The following RBFOX1 variants were observed in gnomAD, a reference collection of about 807,000 sequenced individuals.
RBFOX1 encodes the protein RNA binding protein fox-1 homolog 1.
Under a neutral mutation model 57.7 loss-of-function variants are expected in RBFOX1, and 8 were observed. The observed-to-expected ratio is 0.14, with a 90% CI of 0.08 to 0.25. The LOEUF is 0.25. Ranked by LOEUF, RBFOX1 falls within the 10% of genes least tolerant of loss-of-function variation. The pLI is 1.00. For synonymous variants in RBFOX1, 326 were observed against 222.4 expected, an observed-to-expected ratio of 1.47 and a Z score of -4.15; for missense variants, 611 against 548.5, an observed-to-expected ratio of 1.11 and a Z score of -1.14.
intron 1 of RBFOX1, among the ~76,000 whole-genome samples, chr16:6,130,960 G>GA (rs1422346210): frequency 6.6e-6 from 1 of 152,098 alleles, no homozygotes; most frequent in East Asian, 1.9e-4. Flanking sequence ...CTCTCTGATT[G>GA]AAAAAACATT....
chr16:6,224,077 C>G (rs1231344394), intron 1 of RBFOX1, among the ~76,000 whole-genome samples: 1 of 151,968 alleles, frequency 6.6e-6, no homozygotes, highest in Non-Finnish European at 1.5e-5. Flanking sequence ...GTTTTGGTAC[C>G]AGTACCATGC....
At chr16:5,483,680 G>C (rs1162496772) in intron 2 of RBFOX1, among the ~76,000 whole-genome samples, 1 of 152,194 alleles carries the variant, frequency 6.6e-6, no homozygotes, top group Admixed American at 6.5e-5. Context: ...CTGATCTGCT[G>C]ATAAAGCAAA....
At chr16:5,531,987 A>G (rs768212632) in intron 2 of RBFOX1, among the ~76,000 whole-genome samples, 2 of 152,102 alleles carry the variant, frequency 1.3e-5, no homozygotes, top group South Asian at 4.1e-4. Context: ...TTTAGTAGAC[A>G]TGGAGTTTCA....
At chr16:7,080,325 T>G (rs545296584) in intron 4 of RBFOX1, among the ~76,000 whole-genome samples, 20 of 152,068 alleles carry the variant, frequency 1.3e-4, no homozygotes, top group Non-Finnish European at 2.2e-4. Flanking sequence ...GATTATTTCC[T>G]CCAATGCCTT....
At chr16:6,032,637 C>G (rs1000041581) in intron 1 of RBFOX1, among the ~76,000 whole-genome samples, 1 of 151,946 alleles carries the variant, frequency 6.6e-6, no homozygotes, top group East Asian at 1.9e-4. Flanking sequence ...GAAATGCCAG[C>G]AGATGTCAGT....
intron 3 of RBFOX1, among the ~76,000 whole-genome samples, chr16:6,943,672 C>T (rs959958241): frequency 1.0e-4 from 15 of 150,140 alleles, no homozygotes; most frequent in Admixed American, 9.3e-4. Flanking sequence ...TGCGTCACTG[C>T]ACTCCAGCCT....
At chr16:5,701,380 AT>A (rs1216706370) in intron 3 of RBFOX1, among the ~76,000 whole-genome samples, 1 of 152,216 alleles carries the variant, frequency 6.6e-6, no homozygotes, top group East Asian at 1.9e-4. Context: ...GGGAGAATAT[AT>A]TGTGATGCCT....
chr16:6,490,681 G>A (rs1486033089), intron 2 of RBFOX1, among the ~76,000 whole-genome samples: 4 of 152,122 alleles, frequency 2.6e-5, no homozygotes, highest in South Asian at 2.1e-4. Flanking sequence ...TGAACAGCTC[G>A]TATCTGGTCA....
intron 4 of RBFOX1, among the ~76,000 whole-genome samples, chr16:7,372,690 G>T (rs529975964): frequency 9.9e-5 from 15 of 151,918 alleles, no homozygotes; most frequent in African/African-American, 3.4e-4. Context: ...TAATAAATTA[G>T]GATTATTATT....
Position 6,885,541 on chromosome 16 carries a change from A to ATT in RBFOX1, c.-15-166509_-15-166508dup, listed in dbSNP as rs71147618. Among the ~76,000 whole-genome samples the ATT allele has an allele frequency of 2.7e-4, 41 of 151,176 alleles. No homozygotes were observed. The South Asian group carries it at 3.1e-3, about 12-fold the overall frequency. Reference sequence around the variant, plus strand: ...TGCATTTTATTTTTTTATTTTTTTTATTTTTTTTGAAATGGAGTCTTGCTC... The same window carrying ATT: ...TGCATTTTATTTTTTTATTTTTTTTATTTTTTTTTTGAAATGGAGTCTTGCTC... On this transcript the variant is annotated intron_variant, in intron 3 of 15. Transcript: ENST00000550418.
intron 4 of RBFOX1, among the ~76,000 whole-genome samples, chr16:7,159,832 G>C (rs2077922779): frequency 6.6e-6 from 1 of 152,150 alleles, no homozygotes; most frequent in Non-Finnish European, 1.5e-5. Flanking sequence ...GAATGTTGTA[G>C]TTTGCATACT....
intron 4 of RBFOX1, among the ~76,000 whole-genome samples, chr16:7,080,010 A>ATGTG (rs1567182124): frequency 7.0e-6 from 1 of 143,222 alleles, no homozygotes. Flanking sequence ...GTATATATAT[A>ATGTG]TACATATATA....
chr16:5,361,345 T>C (rs2151338723), intron 1 of RBFOX1, among the ~76,000 whole-genome samples: 1 of 152,226 alleles, frequency 6.6e-6, no homozygotes, highest in South Asian at 2.1e-4. Context: ...GCCAACTAGG[T>C]AGTTACCCAG....
At chr16:5,376,355 G>T (rs973734481) in intron 1 of RBFOX1, among the ~76,000 whole-genome samples, 15 of 151,974 alleles carry the variant, frequency 9.9e-5, no homozygotes, top group Admixed American at 2.6e-4. Flanking sequence ...TTGTTTGTTG[G>T]GACAGGAGCT....
chr16:5,659,365 G>A (rs536894589), intron 3 of RBFOX1, among the ~76,000 whole-genome samples: 36 of 148,222 alleles, frequency 2.4e-4, no homozygotes, highest in Admixed American at 9.5e-4. Flanking sequence ...GTGCAGTGGC[G>A]CCATCCCCGC....
chr16:6,925,750 C>G (rs973357436), intron 3 of RBFOX1, among the ~76,000 whole-genome samples: 2 of 151,570 alleles, frequency 1.3e-5, no homozygotes, highest in Non-Finnish European at 2.9e-5. Context: ...CACAGACAAG[C>G]AAAGAACGGG....
intron 3 of RBFOX1, among the ~76,000 whole-genome samples, chr16:5,729,957 GC>G (rs2151557743): frequency 6.6e-6 from 1 of 152,310 alleles, no homozygotes; most frequent in African/African-American, 2.4e-5. Context: ...TGCAGCACCT[GC>G]CTTTGGAGAA....
At chr16:5,392,579 C>T (rs2066443196) in intron 1 of RBFOX1, among the ~76,000 whole-genome samples, 1 of 150,786 alleles carries the variant, frequency 6.6e-6, no homozygotes, top group Non-Finnish European at 1.5e-5. Context: ...CATCGTGTCA[C>T]CCAGGCTGGA....
intron 2 of RBFOX1, among the ~76,000 whole-genome samples, chr16:6,405,382 C>T (rs1001854006): frequency 1.3e-5 from 2 of 152,154 alleles, no homozygotes; most frequent in East Asian, 1.9e-4. Flanking sequence ...TTTCATATGT[C>T]CAGTGTTGGG....
Sources: gnomAD v4.1 joint callset for allele counts (sites outside exome capture counted in the v4.1 genomes callset) on GRCh38, gnomAD v4.1.1 for gene constraint, MANE v1.5 for transcripts, NCBI Gene and HGNC (gene_info 2026-07-23, HGNC 2026-07-21) for gene names.